The following ABCC4 variants were observed in gnomAD, a reference collection of about 807,000 sequenced individuals.
ABCC4 encodes the protein ATP binding cassette subfamily C member 4 (PEL blood group), also known as ATP-binding cassette sub-family C member 4.
In ABCC4, 102 loss-of-function variants were observed where a neutral mutation model predicts 168.5. The observed-to-expected ratio is 0.61, with a 90% CI of 0.52 to 0.71. ABCC4 has a LOEUF of 0.71. Among genes scored for constraint, ABCC4 ranks in the 30% least tolerant of loss-of-function variants. The pLI is 0.00. For synonymous variants in ABCC4, 617 were observed against 590.7 expected (o/e 1.04, Z -0.65); for missense variants, 1,402 against 1,605.8 (o/e 0.87, Z 2.17).
chr13:95,199,126 A>G (rs1327145275), intron 8 of ABCC4, among the ~76,000 whole-genome samples: 6 of 152,236 alleles, frequency 3.9e-5, no homozygotes, highest in Non-Finnish European at 5.9e-5. Context: ...GTATAATAAA[A>G]AAATTAAAAT....
At chr13:95,113,304 C>T (rs988764024) in intron 20 of ABCC4, among the ~76,000 whole-genome samples, 4 of 152,076 alleles carry the variant, frequency 2.6e-5, no homozygotes, top group Admixed American at 1.3e-4. Flanking sequence ...AGAAATGTAC[C>T]GAGCAACCCC....
chr13:95,129,183 T>G (rs1418456715), intron 19 of ABCC4, among the ~76,000 whole-genome samples: 1 of 152,212 alleles, frequency 6.6e-6, no homozygotes, highest in Non-Finnish European at 1.5e-5. Context: ...CCTAGCCAGT[T>G]TGTTAAATGC....
intron 4 of ABCC4, among the ~76,000 whole-genome samples, chr13:95,218,983 A>AAAAAAGAG (rs1566539896): frequency 7.3e-4 from 8 of 11,002 alleles, no homozygotes; most frequent in African/African-American, 1.5e-3. Context: ...GAAAGAAAGA[A>AAAAAAGAG]AGAGTGAGAA....
chr13:95,273,775 G>A (rs1341192255), intron 1 of ABCC4, among the ~76,000 whole-genome samples: 2 of 150,658 alleles, frequency 1.3e-5, no homozygotes, highest in Admixed American at 6.6e-5. Context: ...TTGTGATAGT[G>A]GATAAGTCTC....
At position 95,071,688 on chromosome 13, in the gene ABCC4, T is replaced by C; in HGVS notation, c.3184A>G (p.Thr1062Ala). 6.6e-7 allele frequency: 1 copy of C among 1,508,194 alleles called. No homozygotes were observed. The highest frequency in any genetic ancestry group is 2.4e-5 in the East Asian group (1 of 40,830). 93.4% of individuals were successfully genotyped at this position (1,508,194 alleles called of 1,614,324 possible). A position where few individuals can be genotyped will look rare whatever the true frequency, so the allele number is the denominator to read the frequency against. Residue 1062 changes from threonine to alanine, a missense_variant, in exon 25 of 31, where the codon ACA becomes GCA. By Grantham distance (58) the Thr-to-Ala change is moderately conservative. This residue lies in a region of ABCC4 where 1,007 missense variants were observed against 1,127.3 expected (regional missense o/e 0.89). Coordinates refer to ENST00000645237, the MANE Select transcript of ABCC4 (RefSeq NM_005845.5). ...PGGPLVLKHL[T>A]ALIKSQEKVG... ...TTTTCTTGTGATTTAATGAGTGCTGTCAGATGCTTCAGTACCAGAGGCCCA... is the reference window on the plus strand; with the variant it reads ...TTTTCTTGTGATTTAATGAGTGCTGCCAGATGCTTCAGTACCAGAGGCCCA...
intron 20 of ABCC4, among the ~76,000 whole-genome samples, chr13:95,087,689 T>C (rs780024451): frequency 2.7e-4 from 41 of 152,076 alleles, no homozygotes; most frequent in Non-Finnish European, 4.9e-4. Flanking sequence ...AAAGGGACAA[T>C]ATGGAAGACA....
At chr13:95,264,796 A>G (rs1006427621) in intron 1 of ABCC4, among the ~76,000 whole-genome samples, 3 of 151,980 alleles carry the variant, frequency 2.0e-5, no homozygotes, top group Admixed American at 1.3e-4. Flanking sequence ...ACTATGATGG[A>G]AAGTGCCTTT....
chr13:95,026,951 T>C (rs915286068), intron 30 of ABCC4, among the ~76,000 whole-genome samples: 1 of 151,460 alleles, frequency 6.6e-6, no homozygotes, highest in African/African-American at 2.4e-5. Flanking sequence ...AACATGGTCA[T>C]AGATGTCTCC....
At chr13:95,024,115 G>A (rs752791011) in intron 30 of ABCC4, among the ~76,000 whole-genome samples, 1 of 149,794 alleles carries the variant, frequency 6.7e-6, no homozygotes, top group African/African-American at 2.5e-5. Flanking sequence ...GCTGAGGCAG[G>A]AGAATCACTT....
intron 1 of ABCC4, among the ~76,000 whole-genome samples, chr13:95,283,980 A>G (rs1430304304): frequency 1.3e-5 from 2 of 151,988 alleles, no homozygotes; most frequent in African/African-American, 2.4e-5. Context: ...CAGGCAAATC[A>G]TCTGAGGTCG....
intron 19 of ABCC4, among the ~76,000 whole-genome samples, chr13:95,157,798 C>T (rs1210384711): frequency 2.0e-5 from 3 of 152,208 alleles, no homozygotes; most frequent in East Asian, 1.9e-4. Flanking sequence ...AGGCCGGGCG[C>T]GGTGGCTCAC....
At chr13:95,186,632 C>T (rs1205057709) in intron 11 of ABCC4, 69 bp downstream of exon 11, 3 of 1,428,192 alleles carry the variant, frequency 2.1e-6, no homozygotes, top group Non-Finnish European at 2.8e-6. Context: ...GTTAATAAAC[C>T]TTGTTGTTCA....
At chr13:95,050,980 A>G (rs1320039008) in intron 27 of ABCC4, among the ~76,000 whole-genome samples, 2 of 152,302 alleles carry the variant, frequency 1.3e-5, no homozygotes, top group African/African-American at 2.4e-5. Context: ...GTGTGTCACA[A>G]TTTCACTATT....
chr13:95,063,769 A>T (rs2033391074), intron 25 of ABCC4, among the ~76,000 whole-genome samples: 1 of 152,226 alleles, frequency 6.6e-6, no homozygotes, highest in African/African-American at 2.4e-5. Context: ...TGGGGGCAAT[A>T]CGTCTATATT....
At chr13:95,034,456 T>C (rs2032031899) in intron 30 of ABCC4, 149 bp downstream of exon 30, 1 of 1,213,748 alleles carries the variant, frequency 8.2e-7, no homozygotes, top group African/African-American at 1.5e-5. Context: ...ACCCGGGACG[T>C]GCCGTTAAGA....
At chr13:95,260,290 T>C (rs934283074) in intron 1 of ABCC4, among the ~76,000 whole-genome samples, 4 of 152,182 alleles carry the variant, frequency 2.6e-5, no homozygotes, top group African/African-American at 4.8e-5. Flanking sequence ...TTGTTTTGTT[T>C]TTCGGTAAAC....
chr13:95,255,103 G>T lies in ABCC4; in HGVS notation c.75-7350C>A, dbSNP rs17235159. Among the ~76,000 whole-genome samples, 1,199 of 152,326 alleles carry T rather than the reference G, an allele frequency of 7.9e-3. 30 individuals carry two copies. The East Asian group carries it at 0.088, about 11-fold the overall frequency. On this transcript the variant is annotated intron_variant, in intron 1 of 30. Transcript: ENST00000645237. The stretch of plus-strand genomic sequence containing the variant: ...AAAGTTTCCTAAAGGCCTGGATTCT[G>T]CAAATGGGTTTCAGAAAGAGGGTGC...
chr13:95,050,229 AG>A (rs1441833644), intron 27 of ABCC4, among the ~76,000 whole-genome samples: 4 of 152,238 alleles, frequency 2.6e-5, no homozygotes, highest in African/African-American at 9.6e-5. Context: ...ATTCTCTACG[AG>A]AAGACCCTCA....
intron 11 of ABCC4, among the ~76,000 whole-genome samples, chr13:95,183,141 C>A (rs948029404): frequency 3.4e-5 from 5 of 147,106 alleles, no homozygotes; most frequent in Non-Finnish European, 5.9e-5. Context: ...AAGGCAAAAT[C>A]TTTTATTTAT....
Sources: allele counts gnomAD v4.1 joint callset (sites outside exome capture counted in the v4.1 genomes callset), GRCh38; gene constraint gnomAD v4.1.1; regional missense constraint gnomAD v4.1.1; transcripts MANE v1.5; gene names NCBI Gene and HGNC (gene_info 2026-07-23, HGNC 2026-07-21).